The following LRRIQ3 variants were observed in gnomAD, a reference collection of about 807,000 sequenced individuals.
The protein encoded by LRRIQ3 is leucine rich repeats and IQ motif containing 3, also known as leucine-rich repeat and IQ domain-containing protein 3.
In LRRIQ3, 75 loss-of-function variants were observed where a neutral mutation model predicts 59.3. The observed-to-expected ratio is 1.26, with a 90% confidence interval of 1.05 to 1.53. LRRIQ3 has a LOEUF of 1.53. Among genes scored for constraint, LRRIQ3 ranks in the 40% most tolerant of loss-of-function variants. LRRIQ3 has a pLI of 0.00. For missense variants in LRRIQ3, 831 were observed against 710.0 expected (o/e 1.17, Z -1.94); for synonymous variants, 250 against 231.3 (o/e 1.08, Z -0.73).
intron 4 of LRRIQ3, among the ~76,000 whole-genome samples, chr1:74,134,650 A>C (rs1168420843): frequency 6.6e-6 from 1 of 151,924 alleles, no homozygotes; most frequent in Non-Finnish European, 1.5e-5. Flanking sequence ...ACTGGAGCAA[A>C]GTTCTATATT....
intron 3 of LRRIQ3, among the ~76,000 whole-genome samples, chr1:74,158,733 C>G (rs1221378163): frequency 1.3e-5 from 2 of 152,020 alleles, no homozygotes; most frequent in East Asian, 1.9e-4. Flanking sequence ...AAAGAAGCAC[C>G]CTGCTCTTTA....
intron 6 of LRRIQ3, among the ~76,000 whole-genome samples, chr1:74,056,790 C>T (rs4650245): frequency 0.47 from 71,062 of 151,950 alleles, 18,296 homozygotes; most frequent in East Asian, 0.82. Flanking sequence ...CCATACTACC[C>T]GATATGTGTC....
intron 3 of LRRIQ3, among the ~76,000 whole-genome samples, chr1:74,163,952 T>C (rs1227712287): frequency 6.6e-6 from 1 of 151,522 alleles, no homozygotes; most frequent in African/African-American, 2.4e-5. Context: ...TATGTAGTAA[T>C]ATCTCATTGT....
At chr1:74,153,169 G>A (rs558997059) in intron 4 of LRRIQ3, among the ~76,000 whole-genome samples, 2 of 151,882 alleles carry the variant, frequency 1.3e-5, no homozygotes, top group Non-Finnish European at 2.9e-5. Context: ...CTGCCTTTAC[G>A]TAGGTTTAGG....
intron 3 of LRRIQ3, among the ~76,000 whole-genome samples, chr1:74,165,910 C>T (rs1648954708): frequency 6.6e-6 from 1 of 151,460 alleles, no homozygotes; most frequent in Non-Finnish European, 1.5e-5. Context: ...AATCCCTATA[C>T]TTGGTCCCAC....
chr1:74,182,507 A>C (rs1355470064), intron 3 of LRRIQ3, 31 bp downstream of exon 3: 1 of 1,391,734 alleles, frequency 7.2e-7, no homozygotes, highest in African/African-American at 1.5e-5. Flanking sequence ...TATACATTTA[A>C]TTAAAATGAA....
chr1:74,102,512 G>A (rs1002558219), intron 5 of LRRIQ3, among the ~76,000 whole-genome samples: 8 of 152,054 alleles, frequency 5.3e-5, no homozygotes, highest in Admixed American at 2.6e-4. Flanking sequence ...ACTCCTTTGC[G>A]CTGTTTTTGA....
intron 4 of LRRIQ3, among the ~76,000 whole-genome samples, chr1:74,119,874 G>A (rs1646828355): frequency 1.3e-5 from 2 of 151,968 alleles, no homozygotes; most frequent in African/African-American, 4.8e-5. Flanking sequence ...TTCTTCAGAT[G>A]TTTCTTGGAT....
At position 74,175,016 on chromosome 1, in the gene LRRIQ3, T is replaced by A. The variant is rs79595602; in HGVS notation, c.573+7522A>T. Among the ~76,000 whole-genome samples the A allele has an allele frequency of 0.019, 2,964 of 152,280 alleles. 331 individuals are homozygous for A. The East Asian group carries it at 0.33, about 17-fold the overall frequency. On this transcript the variant is annotated intron_variant, in intron 3 of 7. Coordinates refer to ENST00000354431, the MANE Select transcript of LRRIQ3 (RefSeq NM_001105659.2). Reference sequence around the variant, plus strand: ...TTGTGCATTTTAAGAAGCAGTTACATCTAAAACAATCTTCTCATCTTCATA... The same window carrying A: ...TTGTGCATTTTAAGAAGCAGTTACAACTAAAACAATCTTCTCATCTTCATA...
chr1:74,145,155 C>T (rs1442011378), intron 4 of LRRIQ3, among the ~76,000 whole-genome samples: 1 of 152,000 alleles, frequency 6.6e-6, no homozygotes, highest in Non-Finnish European at 1.5e-5. Flanking sequence ...TTCCATTTTC[C>T]ATTTTCCTAA....
At chr1:74,089,235 T>C (rs565867945) in intron 5 of LRRIQ3, among the ~76,000 whole-genome samples, 1 of 152,106 alleles carries the variant, frequency 6.6e-6, no homozygotes, top group Non-Finnish European at 1.5e-5. Flanking sequence ...ACAACTGCTA[T>C]GGAAAACTGT....
At chr1:74,031,529 G>A (rs1164070491) in intron 7 of LRRIQ3, among the ~76,000 whole-genome samples, 7 of 150,096 alleles carry the variant, frequency 4.7e-5, no homozygotes, top group East Asian at 2.0e-4. Flanking sequence ...ACCAAACACC[G>A]CATGTTCTCA....
intron 7 of LRRIQ3, among the ~76,000 whole-genome samples, chr1:74,039,849 C>A (rs937245296): frequency 6.6e-6 from 1 of 152,068 alleles, no homozygotes; most frequent in Admixed American, 6.6e-5. Flanking sequence ...AATATAATGA[C>A]CAATGACACT....
intron 5 of LRRIQ3, among the ~76,000 whole-genome samples, chr1:74,090,591 T>C (rs909463641): frequency 1.3e-5 from 2 of 152,124 alleles, no homozygotes; most frequent in Non-Finnish European, 2.9e-5. Flanking sequence ...AAAAGCCTTA[T>C]GAAAGATTTG....
At chr1:74,147,185 C>CCTGG (rs1266437719) in intron 4 of LRRIQ3, among the ~76,000 whole-genome samples, 1 of 152,150 alleles carries the variant, frequency 6.6e-6, no homozygotes, top group African/African-American at 2.4e-5. Flanking sequence ...GCTTAGATAA[C>CCTGG]ACCACTGCAG....
At chr1:74,148,372 G>A (rs1345571925) in intron 4 of LRRIQ3, among the ~76,000 whole-genome samples, 1 of 152,114 alleles carries the variant, frequency 6.6e-6, no homozygotes, top group Non-Finnish European at 1.5e-5. Flanking sequence ...GCTGGTAGAG[G>A]CTGTAGCAAG....
chr1:74,035,781 T>G (rs1157049686), intron 7 of LRRIQ3, among the ~76,000 whole-genome samples: 2 of 152,124 alleles, frequency 1.3e-5, no homozygotes, highest in Non-Finnish European at 2.9e-5. Flanking sequence ...TCAACTACTC[T>G]TCATAAACTT....
intron 4 of LRRIQ3, among the ~76,000 whole-genome samples, chr1:74,113,618 T>C (rs1646734563): frequency 6.6e-6 from 1 of 152,016 alleles, no homozygotes; most frequent in African/African-American, 2.4e-5. Context: ...TAGTATGACA[T>C]TGTCAAAGTT....
At chr1:74,157,702 G>T (rs906044409) in intron 3 of LRRIQ3, among the ~76,000 whole-genome samples, 2 of 151,504 alleles carry the variant, frequency 1.3e-5, no homozygotes, top group African/African-American at 4.9e-5. Context: ...TCTAAATCTT[G>T]TTTACTTCTG....
Sources: allele counts gnomAD v4.1 joint callset (sites outside exome capture counted in the v4.1 genomes callset), GRCh38; gene constraint gnomAD v4.1.1; transcripts MANE v1.5; gene names NCBI Gene and HGNC (gene_info 2026-07-23, HGNC 2026-07-21).